The following ATXN7L1 variants were observed in gnomAD, a reference collection of about 807,000 sequenced individuals.
ATXN7L1 encodes the protein ataxin-7-like protein 1.
Under a neutral mutation model 70.8 loss-of-function variants are expected in ATXN7L1, and 15 were observed. That is an observed-to-expected ratio of 0.21 (90% CI 0.14 to 0.33). ATXN7L1 has a LOEUF of 0.33. ATXN7L1 is among the 10% of genes least tolerant of loss of function. ATXN7L1 has a pLI of 1.00. For missense variants in ATXN7L1, 975 were observed against 1,097.1 expected, an observed-to-expected ratio of 0.89 and a Z score of 1.57; for synonymous variants, 440 against 445.1, an observed-to-expected ratio of 0.99 and a Z score of 0.14.
Position 105,728,967 on chromosome 7 carries a change from T to C in ATXN7L1, c.355+59637A>G, listed in dbSNP as rs545880493. On this transcript the variant is annotated intron_variant, in intron 3 of 11. Transcript: ENST00000419735. ...AGTCCATACTGTTATAAATGCATGA[T>C]TGAATAAATAAATGGGCCACGCGTG... Among the ~76,000 whole-genome samples the C allele has an allele frequency of 2.6e-5, 4 of 152,072 alleles. 1 individual carries two copies. Among genetic ancestry groups the C allele is most frequent in the African/African-American group, 9.6e-5 (4 of 41,478 alleles).
At chr7:105,750,619 T>C (rs950403555) in intron 3 of ATXN7L1, among the ~76,000 whole-genome samples, 2 of 152,064 alleles carry the variant, frequency 1.3e-5, no homozygotes, top group African/African-American at 2.4e-5. Context: ...CTGACCAACA[T>C]GGTGAAACCC....
At position 105,826,530 on chromosome 7, in the gene ATXN7L1, C is replaced by A. The variant is rs185488684; in HGVS notation, c.251-37822G>T. On this transcript the variant is annotated intron_variant, in intron 2 of 11. Coordinates refer to ENST00000419735, the MANE Select transcript of ATXN7L1 (RefSeq NM_020725.2). Reference sequence around the variant, plus strand: ...AGCATTTTATTACATAGACATATACCTAAAAAATGGAGACATTTGGAAAAA... The same window carrying A: ...AGCATTTTATTACATAGACATATACATAAAAAATGGAGACATTTGGAAAAA... Among the ~76,000 whole-genome samples the A allele has an allele frequency of 9.7e-4, 147 of 152,062 alleles. 1 individual carries two copies. The highest frequency in any genetic ancestry group is 2.2e-4 in the Non-Finnish European group (15 of 67,984).
intron 3 of ATXN7L1, among the ~76,000 whole-genome samples, chr7:105,739,019 T>A (rs563263669): frequency 6.6e-6 from 1 of 152,282 alleles, no homozygotes; most frequent in East Asian, 1.9e-4. Context: ...GAGGCTGACT[T>A]TTAATAAATG....
At chr7:105,786,966 G>A (rs1311118423) in intron 3 of ATXN7L1, among the ~76,000 whole-genome samples, 2 of 152,168 alleles carry the variant, frequency 1.3e-5, no homozygotes, top group Non-Finnish European at 2.9e-5. Flanking sequence ...CACTGGTCAC[G>A]GAGCTTCTAT....
chr7:105,622,702 C>G (rs957793063), intron 8 of ATXN7L1, among the ~76,000 whole-genome samples: 1 of 152,184 alleles, frequency 6.6e-6, no homozygotes, highest in Admixed American at 6.5e-5. Flanking sequence ...ATTGATCCGG[C>G]GGGGGCATGT....
At chr7:105,761,559 C>T (rs560455487) in intron 3 of ATXN7L1, 2 of 1,487,886 alleles carry the variant, frequency 1.3e-6, no homozygotes, top group Middle Eastern at 1.8e-4. Flanking sequence ...TGCCAATTGC[C>T]ATGTTTCCCC....
At chr7:105,610,776 G>C (rs1419140898) in intron 10 of ATXN7L1, among the ~76,000 whole-genome samples, 173 bp from the exon 11 acceptor site, 1 of 152,234 alleles carries the variant, frequency 6.6e-6, no homozygotes, top group Non-Finnish European at 1.5e-5. Context: ...AAATGTTGCA[G>C]AGGGTGCCTT....
intron 3 of ATXN7L1, among the ~76,000 whole-genome samples, chr7:105,785,130 A>G (rs1804104532): frequency 6.6e-6 from 1 of 152,252 alleles, no homozygotes; most frequent in Non-Finnish European, 1.5e-5. Context: ...TGGGTATAAC[A>G]TTAACACCCA....
At chr7:105,850,823 C>T (rs1814770910) in intron 2 of ATXN7L1, among the ~76,000 whole-genome samples, 1 of 152,140 alleles carries the variant, frequency 6.6e-6, no homozygotes, top group Admixed American at 6.5e-5. Flanking sequence ...CAGTGGGGGC[C>T]CTGGTGTGTA....
chr7:105,613,518 A>T, intron 10 of ATXN7L1: 2 of 1,201,960 alleles, frequency 1.7e-6, no homozygotes. Context: ...GAACCTCAAA[A>T]GATAAAACTG....
At chr7:105,864,035 T>C (rs966620079) in intron 2 of ATXN7L1, among the ~76,000 whole-genome samples, 4 of 152,140 alleles carry the variant, frequency 2.6e-5, no homozygotes, top group African/African-American at 9.7e-5. Context: ...TCCTGGCATA[T>C]TTGCTTTTAA....
At chr7:105,741,643 G>A (rs941990900) in intron 3 of ATXN7L1, among the ~76,000 whole-genome samples, 2 of 152,118 alleles carry the variant, frequency 1.3e-5, no homozygotes, top group African/African-American at 2.4e-5. Context: ...TGAGTTTTAT[G>A]GGTTCTCTCC....
chr7:105,829,771 CAG>C (rs1332660980), intron 2 of ATXN7L1, among the ~76,000 whole-genome samples: 1 of 152,188 alleles, frequency 6.6e-6, no homozygotes, highest in East Asian at 1.9e-4. Context: ...TGGCCAAAGA[CAG>C]AGTATTGTTT....
In ATXN7L1 at chr7:105,638,461, T is replaced by G; in HGVS notation, c.1094A>C (p.Gln365Pro). The G allele has an allele frequency of 6.4e-7, 1 of 1,552,368 alleles. No individual in the cohort carries two copies. Among genetic ancestry groups the G allele is most frequent in the Non-Finnish European group, 8.7e-7 (1 of 1,147,144 alleles). The change falls in exon 7 of 12, where the codon CAA (glutamine) becomes CCA (proline). Residue 365 changes from glutamine to proline, a missense_variant. Gln to Pro is a moderately conservative substitution (Grantham distance 76, BLOSUM62 -1). Coordinates refer to ENST00000419735, the MANE Select transcript of ATXN7L1 (RefSeq NM_020725.2). The stretch of plus-strand genomic sequence containing the variant: ...CAGAGAATCCTGTGCCGGCCCGGAT[T>G]GGCTTGGAAGTATTTCCCTCGTGGA... ...LTSTREILPS[Q>P]SGPAQDSLLG...
intron 2 of ATXN7L1, among the ~76,000 whole-genome samples, chr7:105,849,150 CA>C (rs1158337246): frequency 6.6e-6 from 1 of 152,230 alleles, no homozygotes; most frequent in Non-Finnish European, 1.5e-5. Flanking sequence ...TCAGAGGGGA[CA>C]GGCCATCACC....
rs1247605067 is a variant in ATXN7L1 at position 105,740,783 on chromosome 7, T to G, written c.355+47821A>C. 4.8e-5 allele frequency among the ~76,000 whole-genome samples: 3 copies of G among 62,278 alleles called. 1 individual carries two copies. The highest frequency in any genetic ancestry group is 2.7e-3 in the East Asian group (2 of 734). The allele number at this position is 62,278 out of a possible 152,430, so 40.9% of individuals were successfully genotyped here. ...TGGCTCCATTCATTTTTTTTTTTTT[T>G]TAATGGAGTCTCACTCTGTCGCCCA... On this transcript the variant is annotated intron_variant, in intron 3 of 11. Transcript: ENST00000419735.
chr7:105,774,577 T>A (rs1417796138), intron 3 of ATXN7L1, among the ~76,000 whole-genome samples: 1 of 152,114 alleles, frequency 6.6e-6, no homozygotes, highest in Non-Finnish European at 1.5e-5. Context: ...GGTCTCCAAC[T>A]CCTGACCTCA....
At chr7:105,795,088 C>A (rs929984074) in intron 2 of ATXN7L1, among the ~76,000 whole-genome samples, 1 of 152,184 alleles carries the variant, frequency 6.6e-6, no homozygotes, top group Non-Finnish European at 1.5e-5. Flanking sequence ...CTTCCTCCCG[C>A]TGAAATCTGC....
chr7:105,670,738 T>G (rs1305080697), intron 3 of ATXN7L1, among the ~76,000 whole-genome samples: 1 of 151,098 alleles, frequency 6.6e-6, no homozygotes, highest in African/African-American at 2.4e-5. Context: ...CCAAGGTGGG[T>G]GGATCACAAG....
Sources: gnomAD v4.1 joint callset for allele counts (sites outside exome capture counted in the v4.1 genomes callset) on GRCh38, gnomAD v4.1.1 for gene constraint, MANE v1.5 for transcripts, NCBI Gene and HGNC (gene_info 2026-07-23, HGNC 2026-07-21) for gene names.